The following TRPM5 variants were observed in gnomAD, a reference collection of about 807,000 sequenced individuals.
TRPM5 encodes transient receptor potential cation channel subfamily M member 5, also known as MLSN1 and TRP-related.
Under a neutral mutation model 124.9 loss-of-function variants are expected in TRPM5, and 121 were observed. The observed-to-expected ratio is 0.97, with a 90% CI of 0.84 to 1.13. TRPM5 has a LOEUF of 1.13. Among genes scored for constraint, TRPM5 ranks in the 50% most tolerant of loss-of-function variants. The pLI is 0.00. For synonymous variants in TRPM5, 781 were observed against 700.5 expected, an observed-to-expected ratio of 1.11 and a Z score of -1.81; for missense variants, 1,643 against 1,589.1, an observed-to-expected ratio of 1.03 and a Z score of -0.58.
chr11:2,411,781 G>A lies in TRPM5; in HGVS notation c.2475-14C>T, dbSNP rs1052209841. On this transcript the variant is annotated splice_polypyrimidine_tract_variant and intron_variant, in intron 16 of 23. Transcript: ENST00000155858. ...GACGGCAGCATCCTGGAGGATGGGA[G>A]GCTGATGCGGCTGCGGGGCCCAGAG... 1.2e-6 allele frequency: 2 copies of A among 1,611,980 alleles called. No individual in the cohort carries two copies. The highest frequency in any genetic ancestry group is 1.7e-6 in the Non-Finnish European group (2 of 1,179,590).
At chr11:2,429,531 T>C in the TRPM5 span, among the ~76,000 whole-genome samples, 6 of 151,624 alleles carry the variant, frequency 4.0e-5, no homozygotes, top group Non-Finnish European at 8.8e-5. The surrounding 1 kb of genome is among the most constrained non-coding windows in gnomAD (Gnocchi z 8.4). Context: ...GTGGTGCTGA[T>C]GGTCATGATG....
In TRPM5 at chr11:2,420,588, C is replaced by A. The variant is rs544398592; in HGVS notation, c.466-183G>T. ...GGGACGAACAGCTGGGGCCCGGGGACCCTCCTTCGACAGTCAGGGGCAGGG... is the reference window on the plus strand; with the variant it reads ...GGGACGAACAGCTGGGGCCCGGGGAACCTCCTTCGACAGTCAGGGGCAGGG... On this transcript the variant is annotated intron_variant, in intron 3 of 23. Coordinates refer to ENST00000155858, the Ensembl canonical transcript of TRPM5. 8.3e-4 allele frequency among the ~76,000 whole-genome samples: 127 copies of A among 152,332 alleles called. 4 individuals are homozygous for A. The South Asian group carries it at 0.025, about 31-fold the overall frequency.
In TRPM5 at chr11:2,412,988, C is replaced by T. The variant is rs752519920; in HGVS notation, c.2121G>A (p.Pro707=). Residue 707 remains proline (P), a synonymous_variant, in exon 15 of 24, where the codon CCG becomes CCA. Transcript: ENST00000155858. ...GTGGGCCTCGGTCACCCTGAGCCCT[C>T]GGCGCCTCCACCAGCTCCTCCACCC... is the stretch of plus-strand genomic sequence containing the variant. The T allele has an allele frequency of 1.4e-5, 23 of 1,605,864 alleles. No individual in the cohort carries two copies. In the East Asian group the frequency reaches 3.6e-4, roughly 25 times the overall value.
At chr11:2,429,887 TAGTG>T in the TRPM5 span, among the ~76,000 whole-genome samples, 1 of 152,070 alleles carries the variant, frequency 6.6e-6, no homozygotes, top group Admixed American at 6.5e-5. The surrounding 1 kb of genome is among the most constrained non-coding windows in gnomAD (Gnocchi z 8.4). Flanking sequence ...GTTCTCATGA[TAGTG>T]AGTGAGTTCT....
At chr11:2,422,941 C>T (rs772296232) in exon 1 of TRPM5, 3 of 1,613,380 alleles carry the variant, frequency 1.9e-6, no homozygotes, top group East Asian at 2.2e-5. Flanking sequence ...TCTTCCCAGA[C>T]CCTCCAAAGT....
intron 5 of TRPM5, 79 bp from the exon 11 acceptor site, chr11:2,418,437 T>A: frequency 6.7e-7 from 1 of 1,498,536 alleles, no homozygotes; most frequent in Admixed American, 2.1e-5. Flanking sequence ...GGTGCCCCCA[T>A]CCCTTCAGCC....
chr11:2,413,314 C>A lies in TRPM5; in HGVS notation c.2004-88G>T, dbSNP rs1387219638. On this transcript the variant is annotated intron_variant, in intron 13 of 23. Transcript: ENST00000155858. ...AGGCGCTTGGCCATCAAAGTGCCCA[C>A]TGGGATGCAGGGGCTGTGGGGAGTG... 11 of 1,374,946 alleles carry A rather than the reference C, an allele frequency of 8.0e-6. No individual in the cohort carries two copies. The East Asian group carries it at 2.5e-4, about 31-fold the overall frequency. The allele number at this position is 1,374,946 out of a possible 1,614,324, so 85.2% of individuals were successfully genotyped here.
intron 4 of TRPM5, among the ~76,000 whole-genome samples, chr11:2,418,902 G>A (rs114413063): frequency 0.037 from 5,577 of 152,302 alleles, 295 homozygotes; most frequent in African/African-American, 0.13. Context: ...CACACTGCAC[G>A]CGCTCATGCT....
At chr11:2,442,512 T>C in the TRPM5 span, among the ~76,000 whole-genome samples, 9 of 152,114 alleles carry the variant, frequency 5.9e-5, no homozygotes, top group African/African-American at 1.9e-4. The surrounding 1 kb of genome is among the most constrained non-coding windows in gnomAD (Gnocchi z 5.9). Context: ...GCTGAAGCGA[T>C]TGAAGGACAT....
intron 20 of TRPM5, 73 bp from the exon 26 acceptor site, chr11:2,406,866 G>A (rs1368657936): frequency 2.0e-5 from 30 of 1,535,854 alleles, no homozygotes; most frequent in Admixed American, 6.0e-5. Flanking sequence ...GCCTGGTCCC[G>A]GGGCGAGGTG....
At position 2,411,456 on chromosome 11, in the gene TRPM5, G is replaced by A. The variant is rs201710397; in HGVS notation, c.2678C>T (p.Ala893Val). The change falls in exon 18 of 24, where the codon GCG becomes GTG. Residue 893 changes from alanine to valine, a missense_variant. Physicochemically the swap from Ala to Val is moderately conservative, Grantham distance 64. Transcript: ENST00000155858. The stretch of plus-strand genomic sequence containing the variant: ...GCGGCCGTCATGGGGGTGCAGCAGC[G>A]CCTGGGTGGTGACACCGTAGGCCAC... 351 of 1,612,018 alleles carry A rather than the reference G, an allele frequency of 2.2e-4. No homozygotes were observed. Among genetic ancestry groups the A allele is most frequent in the Non-Finnish European group, 2.8e-4 (326 of 1,179,576 alleles).
At chr11:2,414,310 C>A (rs1850520621) in intron 11 of TRPM5, 104 bp from the exon 17 acceptor site, 13 of 1,463,936 alleles carry the variant, frequency 8.9e-6, no homozygotes, top group Non-Finnish European at 1.2e-5. Flanking sequence ...TGCAGCCGCA[C>A]CCTGCGTTCA....
chr11:2,414,009 G>GGGGGGGCGCCCCCCCC, intron 12 of TRPM5, 52 bp downstream of exon 17: 2 of 1,023,732 alleles, frequency 2.0e-6, no homozygotes, highest in Non-Finnish European at 1.4e-6. Flanking sequence ...GGCCCAGCTC[G>GGGGGGGCGCCCCCCCC]CCCGCCCACC....
Position 2,411,527 on chromosome 11 carries a change from C to T in TRPM5, c.2608-1G>A. 2 of 1,607,708 alleles carry T rather than the reference C, an allele frequency of 1.2e-6. No homozygotes were observed. Among genetic ancestry groups the T allele is most frequent in the South Asian group, 1.1e-5 (1 of 90,868 alleles). The stretch of plus-strand genomic sequence containing the variant: ...AGAGGAAGAAGAAGACGTCCTTCAT[C>T]TCCACGGGGCAGGGGCAGAGAGAGG... On this transcript the variant is annotated splice_acceptor_variant, in intron 17 of 23. Coordinates refer to ENST00000155858, the Ensembl canonical transcript of TRPM5. LOFTEE classifies it high-confidence loss of function.
chr11:2,437,265 AG>A, the TRPM5 span, among the ~76,000 whole-genome samples: 1 of 152,324 alleles, frequency 6.6e-6, no homozygotes, highest in East Asian at 1.9e-4. This position sits in a 1 kb window ranked among gnomAD's most constrained non-coding sequence, Gnocchi z 5.6. Context: ...TTGGAAGAGG[AG>A]GAGGTGGGGT....
chr11:2,406,252 C>T (rs1181974925), intron 21 of TRPM5, 161 bp from the exon 27 acceptor site: 2 of 741,328 alleles, frequency 2.7e-6, no homozygotes, highest in Non-Finnish European at 4.6e-6. Flanking sequence ...CAGGACCCCT[C>T]AAAGTGCACC....
At chr11:2,435,913 A>ATT in the TRPM5 span, among the ~76,000 whole-genome samples, 1 of 152,146 alleles carries the variant, frequency 6.6e-6, no homozygotes, top group East Asian at 1.9e-4. This position sits in a 1 kb window ranked among gnomAD's most constrained non-coding sequence, Gnocchi z 4.1. Flanking sequence ...TGGTCTCAGG[A>ATT]TGCCCACACT....
At chr11:2,405,204 G>A (rs1182546716) in intron 23 of TRPM5, among the ~76,000 whole-genome samples, 161 bp from the exon 29 acceptor site, 2 of 152,242 alleles carry the variant, frequency 1.3e-5, no homozygotes, top group Non-Finnish European at 2.9e-5. Flanking sequence ...AGACAACCAG[G>A]CCTCTGCCTG....
At chr11:2,417,669 G>C in intron 7 of TRPM5, 58 bp downstream of exon 12, 1 of 1,408,558 alleles carries the variant, frequency 7.1e-7, no homozygotes, top group Non-Finnish European at 9.8e-7. Context: ...ACCCCAAAGC[G>C]GCTCTGAGCA....
Sources: gnomAD v4.1 joint callset for allele counts (sites outside exome capture counted in the v4.1 genomes callset) on GRCh38, gnomAD v4.1.1 for gene constraint, Gnocchi (gnomAD v3.1) non-coding constraint, MANE v1.5 for transcripts, NCBI Gene and HGNC (gene_info 2026-07-23, HGNC 2026-07-21) for gene names.